Variants in ADRA1B observed in about 807,000 individuals in gnomAD.
ADRA1B encodes adrenoceptor alpha 1B, also known as alpha-1B adrenergic receptor.
ADRA1B carries 17 observed loss-of-function variants against 17.9 expected under a neutral mutation model. That is an observed-to-expected ratio of 0.95 (90% CI 0.65 to 1.42). The LOEUF (loss-of-function observed/expected upper bound fraction) is 1.42. ADRA1B is among the 40% of genes most tolerant of loss of function. ADRA1B has a pLI of 0.00. For synonymous variants in ADRA1B, 366 were observed against 327.6 expected (o/e 1.12, Z -1.27); for missense variants, 681 against 722.1 (o/e 0.94, Z 0.65).
intron 1 of ADRA1B, among the ~76,000 whole-genome samples, chr5:159,946,916 C>T (rs892062612): frequency 7.9e-5 from 12 of 152,198 alleles, no homozygotes; most frequent in African/African-American, 2.9e-4. Flanking sequence ...AGACAAGACA[C>T]TGGTGGAGAA....
intron 1 of ADRA1B, among the ~76,000 whole-genome samples, chr5:159,943,308 A>G (rs1045530218): frequency 2.0e-5 from 3 of 152,216 alleles, no homozygotes; most frequent in South Asian, 2.1e-4. Flanking sequence ...ACAAGTTTCA[A>G]TATTATAAAC....
At chr5:159,926,126 G>A (rs549164470) in intron 1 of ADRA1B, among the ~76,000 whole-genome samples, 1 of 152,300 alleles carries the variant, frequency 6.6e-6, no homozygotes, top group Admixed American at 6.5e-5. Context: ...GCACTCAATT[G>A]AAGTAAAATT....
At chr5:159,922,965 G>C (rs1581036460) in intron 1 of ADRA1B, among the ~76,000 whole-genome samples, 1 of 151,172 alleles carries the variant, frequency 6.6e-6, no homozygotes, top group East Asian at 1.9e-4. Context: ...CTAAAACAGG[G>C]GTTAGTACAT....
chr5:159,916,860 C>T lies in ADRA1B; in HGVS notation c.-46C>T. 6.5e-7 allele frequency: 1 copy of T among 1,548,778 alleles called. No individual in the cohort carries two copies. Among genetic ancestry groups the T allele is most frequent in the Non-Finnish European group, 8.8e-7 (1 of 1,142,526 alleles). ...CAGCTGAGGAGCCTTCGCCGCAGCC[C>T]TTCCGAGCCCAATCATCCCCCTGGC... On this transcript the variant is annotated 5_prime_UTR_variant, in exon 1 of 2. Coordinates refer to ENST00000306675, the MANE Select transcript of ADRA1B (RefSeq NM_000679.4).
intron 1 of ADRA1B, chr5:159,947,657 G>A (rs1427175667): frequency 1.0e-6 from 1 of 957,734 alleles, no homozygotes; most frequent in African/African-American, 1.8e-5. Context: ...TAAATGAAAT[G>A]GGGGACCTGG....
At chr5:159,913,048 T>C (rs1417528459), upstream of ADRA1B, among the ~76,000 whole-genome samples, 2 of 152,192 alleles carry the variant, frequency 1.3e-5, no homozygotes, top group Non-Finnish European at 2.9e-5. Flanking sequence ...TCTCCTCCCA[T>C]AGATGTCTTA....
intron 1 of ADRA1B, among the ~76,000 whole-genome samples, chr5:159,967,641 G>A (rs536368689): frequency 9.2e-5 from 14 of 152,196 alleles, no homozygotes; most frequent in African/African-American, 2.6e-4. Context: ...GTTTCAATAC[G>A]GGTCTGTGTC....
Position 159,873,569 on chromosome 5 carries a change from C to A in ADRA1B, c.-256+8363C>A, listed in dbSNP as rs372885511. 2.7e-3 allele frequency among the ~76,000 whole-genome samples: 409 copies of A among 152,328 alleles called. 3 individuals carry two copies. Among genetic ancestry groups the A allele is most frequent in the African/African-American group, 9.4e-3 (391 of 41,566 alleles). On this transcript the variant is annotated intron_variant, in intron 1 of 2. Coordinates refer to the ADRA1B transcript ENST00000641205. ...CTGCCTCTGTTCAATCCTGTTTCCT[C>A]TCCCTTCCCCAAGTGCCGATCCCTA... is the stretch of plus-strand genomic sequence containing the variant.
At position 159,872,322 on chromosome 5, in the gene ADRA1B, G is replaced by C. The variant is rs555284447; in HGVS notation, c.-256+7116G>C. Among the ~76,000 whole-genome samples, 5 of 152,238 alleles carry C rather than the reference G, an allele frequency of 3.3e-5. No homozygotes were observed. The South Asian group carries it at 6.2e-4, about 19-fold the overall frequency. On this transcript the variant is annotated intron_variant, in intron 1 of 2. Transcript: ENST00000641205. The stretch of plus-strand genomic sequence containing the variant: ...CAGGGAGGGAGAAATGCCCTAACTA[G>C]CTGCTTCTTCTTGTCCCCAAAATAT...
Position 159,917,806 on chromosome 5 carries a change from G to C in ADRA1B, c.901G>C (p.Gly301Arg), listed in dbSNP as rs774367999. ...AGCTAAGACGTTGGGCATTGTGGTCGGTATGTTCATCTTGTGCTGGCTACC... is the reference window on the plus strand; with the variant it reads ...AGCTAAGACGTTGGGCATTGTGGTCCGTATGTTCATCTTGTGCTGGCTACC... ...KAAKTLGIVVGMFILCWLPFF... is the reference protein window; with the variant it reads ...KAAKTLGIVVRMFILCWLPFF... The change falls in exon 1 of 2, where the codon GGT becomes CGT. Residue 301 changes from glycine to arginine, a missense_variant. Transcript: ENST00000306675. 8 of 1,613,120 alleles carry C rather than the reference G, an allele frequency of 5.0e-6. No homozygotes were observed. Among genetic ancestry groups the C allele is most frequent in the East Asian group, 2.2e-5 (1 of 44,886 alleles).
chr5:159,926,391 G>A (rs1754651009), intron 1 of ADRA1B, among the ~76,000 whole-genome samples: 1 of 152,022 alleles, frequency 6.6e-6, no homozygotes, highest in South Asian at 2.1e-4. Context: ...CACAACTTTT[G>A]CAGCACTGCC....
intron 1 of ADRA1B, among the ~76,000 whole-genome samples, chr5:159,899,215 A>T (rs1477147692): frequency 7.1e-6 from 1 of 140,056 alleles, no homozygotes; most frequent in Non-Finnish European, 1.6e-5. Context: ...AGAAAGAAAT[A>T]AAAGAAGGAA....
chr5:159,915,339 T>C (rs573669031), upstream of ADRA1B, among the ~76,000 whole-genome samples: 7 of 152,342 alleles, frequency 4.6e-5, 1 homozygote, highest in Middle Eastern at 0.01. Flanking sequence ...GAAGAGTGTA[T>C]TCTTTCTCTC....
intron 1 of ADRA1B, among the ~76,000 whole-genome samples, chr5:159,881,744 C>T (rs570809432): frequency 2.0e-5 from 3 of 152,260 alleles, no homozygotes; most frequent in African/African-American, 7.2e-5. Flanking sequence ...ATCTCTTGTA[C>T]ACCTTTAAAT....
intron 1 of ADRA1B, among the ~76,000 whole-genome samples, chr5:159,962,266 C>G (rs1561609606): frequency 6.6e-6 from 1 of 152,112 alleles, no homozygotes; most frequent in Non-Finnish European, 1.5e-5. Context: ...GAGATAGGGA[C>G]AGGGGACCAC....
At chr5:159,945,861 C>T (rs968984033) in intron 1 of ADRA1B, among the ~76,000 whole-genome samples, 4 of 151,902 alleles carry the variant, frequency 2.6e-5, no homozygotes, top group Admixed American at 6.5e-5. Context: ...CATTCTCCTG[C>T]CTCAGCCTCC....
chr5:159,895,668 TGAA>T lies in ADRA1B; in HGVS notation c.-255-20447_-255-20445del, dbSNP rs999888348. On this transcript the variant is annotated intron_variant, in intron 1 of 2. Coordinates refer to the ADRA1B transcript ENST00000641205. ...CATGTACTCCTGGACTTGTAAAAGT[TGAA>T]GAAAAAAAAAGATCATTCCCATCCT... 2.0e-5 allele frequency among the ~76,000 whole-genome samples: 3 copies of T among 152,060 alleles called. 1 individual carries two copies. Among genetic ancestry groups the T allele is most frequent in the African/African-American group, 7.2e-5 (3 of 41,398 alleles).
At chr5:159,957,630 G>A (rs1755581415) in intron 1 of ADRA1B, among the ~76,000 whole-genome samples, 1 of 151,620 alleles carries the variant, frequency 6.6e-6, no homozygotes, top group Non-Finnish European at 1.5e-5. Flanking sequence ...TTATTTGAAA[G>A]AGAGCTTTGT....
downstream of ADRA1B, among the ~76,000 whole-genome samples, chr5:159,973,928 G>A (rs1019854383): frequency 6.6e-6 from 1 of 152,144 alleles, no homozygotes; most frequent in African/African-American, 2.4e-5. Context: ...GAAAAGCCTA[G>A]GAGGAACGCT....
Sources: gnomAD v4.1 joint callset for allele counts (sites outside exome capture counted in the v4.1 genomes callset) on GRCh38, gnomAD v4.1.1 for gene constraint, MANE v1.5 for transcripts, NCBI Gene and HGNC (gene_info 2026-07-23, HGNC 2026-07-21) for gene names.